The following SLC24A2 variants were observed in gnomAD, a reference collection of about 807,000 sequenced individuals.
SLC24A2 encodes the protein sodium/potassium/calcium exchanger 2.
A neutral mutation model predicts 62.0 loss-of-function variants in SLC24A2; 36 were observed. The observed-to-expected ratio is 0.58, with a 90% CI of 0.44 to 0.77. The LOEUF is 0.77. Among genes scored for constraint, SLC24A2 ranks in the 30% least tolerant of loss-of-function variants. The pLI is 0.00. For synonymous variants in SLC24A2, 358 were observed against 294.0 expected, an observed-to-expected ratio of 1.22 and a Z score of -2.23; for missense variants, 846 against 817.9, an observed-to-expected ratio of 1.03 and a Z score of -0.42.
chr9:19,941,356 C>G, the SLC24A2 span, among the ~76,000 whole-genome samples: 1 of 152,162 alleles, frequency 6.6e-6, no homozygotes, highest in Admixed American at 6.5e-5. Context: ...TGAGCTGACT[C>G]CAAGCTTGAT....
At chr9:19,533,839 C>G (rs1278490089) in intron 8 of SLC24A2, among the ~76,000 whole-genome samples, 8 of 152,214 alleles carry the variant, frequency 5.3e-5, no homozygotes, top group Non-Finnish European at 1.0e-4. Flanking sequence ...CAAAAATCTT[C>G]TAACTAAGCA....
At chr9:20,231,962 C>G in the SLC24A2 span, among the ~76,000 whole-genome samples, 1 of 152,194 alleles carries the variant, frequency 6.6e-6, no homozygotes, top group African/African-American at 2.4e-5. Context: ...TGAATTTTGT[C>G]CAGGGCCTTT....
At chr9:20,219,638 AATGACCGTTG>A in the SLC24A2 span, among the ~76,000 whole-genome samples, 2 of 152,174 alleles carry the variant, frequency 1.3e-5, no homozygotes, top group African/African-American at 2.4e-5. Flanking sequence ...CAGGAAGATC[AATGACCGTTG>A]GCACAGGATA....
rs1030482844 is a variant in SLC24A2, at chr9:19,510,995, G to C, written c.*5158C>G. 2.6e-5 allele frequency: 4 copies of C among 152,214 alleles called. No homozygotes were observed. Among genetic ancestry groups the C allele is most frequent in the African/African-American group, 4.8e-5 (2 of 41,436 alleles). 9.4% of individuals were successfully genotyped at this position (152,214 alleles called of 1,614,324 possible). The stretch of plus-strand genomic sequence containing the variant: ...AGCAAGGCTGGTGCCCCATGTGTGA[G>C]GAAGGCATGCAAAATGCCAGTGTGT... On this transcript the variant is annotated 3_prime_UTR_variant, in exon 11 of 11. Coordinates refer to ENST00000341998, the MANE Select transcript of SLC24A2 (RefSeq NM_020344.4).
intron 2 of SLC24A2, among the ~76,000 whole-genome samples, chr9:19,654,987 T>C (rs1818904895): frequency 1.3e-5 from 2 of 152,192 alleles, no homozygotes; most frequent in East Asian, 1.9e-4. Context: ...AAATACTCAT[T>C]GCATACAGCC....
Position 19,515,713 on chromosome 9 carries a change from T to A in SLC24A2, c.*440A>T, listed in dbSNP as rs1192335154. The A allele has an allele frequency of 6.6e-6, 1 of 152,282 alleles. No homozygotes were observed. The highest frequency in any genetic ancestry group is 1.5e-5 in the Non-Finnish European group (1 of 68,466). 9.4% of individuals were successfully genotyped at this position (152,282 alleles called of 1,614,324 possible). A position where few individuals can be genotyped will look rare whatever the true frequency, so the allele number is the denominator to read the frequency against. ...CTGATTTTATATATATATATATAAT[T>A]TTTCTTTGTCTTTATTTACAGGTAT... On this transcript the variant is annotated 3_prime_UTR_variant, in exon 11 of 11. Coordinates refer to ENST00000341998, the MANE Select transcript of SLC24A2 (RefSeq NM_020344.4).
chr9:19,851,000 TACACATACATATATATATATATACATA>T, the SLC24A2 span, among the ~76,000 whole-genome samples: 60 of 45,116 alleles, frequency 1.3e-3, 5 homozygotes, highest in Admixed American at 2.0e-3. Context: ...TATATATATA[TACACATACATATATATATATATACATA>T]TTTTTTTTTT....
At chr9:20,294,069 T>G in the SLC24A2 span, among the ~76,000 whole-genome samples, 1 of 152,032 alleles carries the variant, frequency 6.6e-6, no homozygotes, top group Non-Finnish European at 1.5e-5. Context: ...CCATCTTTTC[T>G]CCTAGACCAT....
the SLC24A2 span, among the ~76,000 whole-genome samples, chr9:20,081,491 G>A: frequency 3.6e-5 from 4 of 112,554 alleles, no homozygotes; most frequent in East Asian, 1.2e-3. Context: ...GGTGGGGGGA[G>A]GGGGGGAGGG....
At chr9:19,629,005 C>A (rs1057141907) in intron 2 of SLC24A2, among the ~76,000 whole-genome samples, 1 of 152,080 alleles carries the variant, frequency 6.6e-6, no homozygotes, top group Admixed American at 6.6e-5. Context: ...TACTTTGTAG[C>A]AAATGAGGCA....
At chr9:19,878,607 G>A in the SLC24A2 span, among the ~76,000 whole-genome samples, 1 of 152,024 alleles carries the variant, frequency 6.6e-6, no homozygotes, top group East Asian at 1.9e-4. Flanking sequence ...TCCCCCTTTG[G>A]TGCTGATAGA....
the SLC24A2 span, among the ~76,000 whole-genome samples, chr9:19,922,047 T>A: frequency 6.6e-6 from 1 of 152,206 alleles, no homozygotes. Context: ...CTTCTGTTCA[T>A]GCATGTTTGC....
intron 2 of SLC24A2, among the ~76,000 whole-genome samples, chr9:19,761,466 TTTTTTA>T (rs1822326282): frequency 6.8e-6 from 1 of 146,860 alleles, no homozygotes; most frequent in South Asian, 2.3e-4. Flanking sequence ...ATTTTTTAAT[TTTTTTA>T]TTTTATTTTA....
the SLC24A2 span, among the ~76,000 whole-genome samples, chr9:19,915,498 T>C: frequency 6.6e-6 from 1 of 152,090 alleles, no homozygotes. Context: ...TTTTGAGGGA[T>C]TGCCAAACTT....
chr9:19,834,053 C>A, the SLC24A2 span, among the ~76,000 whole-genome samples: 2 of 152,078 alleles, frequency 1.3e-5, no homozygotes, highest in African/African-American at 2.4e-5. Flanking sequence ...CAGAAAGGAC[C>A]TCCACCCCAA....
At chr9:19,566,200 T>G (rs1366253531) in intron 7 of SLC24A2, among the ~76,000 whole-genome samples, 1 of 150,674 alleles carries the variant, frequency 6.6e-6, no homozygotes, top group Non-Finnish European at 1.5e-5. Flanking sequence ...GGGAGAAAAT[T>G]TTTGCAATCT....
chr9:19,726,738 T>A (rs1212510753), intron 2 of SLC24A2, among the ~76,000 whole-genome samples: 1 of 152,198 alleles, frequency 6.6e-6, no homozygotes, highest in East Asian at 1.9e-4. Flanking sequence ...CATAGCTAAA[T>A]TCATTTGCAG....
At position 19,516,216 on chromosome 9, in the gene SLC24A2, A is replaced by G. The variant is rs762756440; in HGVS notation, c.1923T>C (p.Phe641=). 5.6e-6 allele frequency: 9 copies of G among 1,614,214 alleles called. No individual in the cohort carries two copies. The East Asian group carries it at 1.3e-4, about 24-fold the overall frequency. The change falls in exon 11 of 11, where the codon TTT becomes TTC. Residue 641 remains phenylalanine, a synonymous_variant. Transcript: ENST00000341998. Reference sequence around the variant, plus strand: ...GGAGAACGCTCACCACCAGGAACACAAAGTAGAGGCCAAACATGATGAAGC... The same window carrying G: ...GGAGAACGCTCACCACCAGGAACACGAAGTAGAGGCCAAACATGATGAAGC... ...ILGFIMFGLY[F]VFLVVSVLLE...
chr9:19,728,590 G>T (rs1251886801), intron 2 of SLC24A2, among the ~76,000 whole-genome samples: 1 of 152,086 alleles, frequency 6.6e-6, no homozygotes, highest in African/African-American at 2.4e-5. Flanking sequence ...CTCAACTCTG[G>T]TGGGGAGAGA....
Sources: gnomAD v4.1 joint callset for allele counts (sites outside exome capture counted in the v4.1 genomes callset) on GRCh38, gnomAD v4.1.1 for gene constraint, MANE v1.5 for transcripts, NCBI Gene and HGNC (gene_info 2026-07-23, HGNC 2026-07-21) for gene names.